The following HOMER2 variants were observed in gnomAD, a reference collection of about 807,000 sequenced individuals.
HOMER2 encodes the protein homer scaffold protein 2.
Under a neutral mutation model 47.0 loss-of-function variants are expected in HOMER2, and 27 were observed. The observed-to-expected ratio is 0.57, with a 90% confidence interval of 0.42 to 0.79. The LOEUF is 0.79. Ranked by LOEUF, HOMER2 falls within the 30% of genes least tolerant of loss-of-function variation. The pLI is 0.00. For synonymous variants in HOMER2, 161 were observed against 163.8 expected, an observed-to-expected ratio of 0.98 and a Z score of 0.13; for missense variants, 443 against 435.0, an observed-to-expected ratio of 1.02 and a Z score of -0.16.
intron 1 of HOMER2, among the ~76,000 whole-genome samples, chr15:82,984,819 GAAAC>G (rs796951788): frequency 1.5e-4 from 23 of 151,910 alleles, no homozygotes; most frequent in African/African-American, 4.1e-4. Context: ...CTGTGTCAAA[GAAAC>G]AAACAAACAA....
chr15:82,870,842 T>TGCAACCAC (rs1567024840), intron 3 of HOMER2, among the ~76,000 whole-genome samples: 1 of 151,986 alleles, frequency 6.6e-6, no homozygotes, highest in Non-Finnish European at 1.5e-5. Context: ...AGATCAACCA[T>TGCAACCAC]GGTGCACTGG....
At chr15:82,916,988 G>A (rs1375281065) in intron 1 of HOMER2, among the ~76,000 whole-genome samples, 1 of 152,196 alleles carries the variant, frequency 6.6e-6, no homozygotes, top group Non-Finnish European at 1.5e-5. Flanking sequence ...TTTTAGTAGA[G>A]ACGGGGTTTC....
At chr15:82,889,616 G>A (rs184616278) in intron 2 of HOMER2, among the ~76,000 whole-genome samples, 125 of 152,290 alleles carry the variant, frequency 8.2e-4, no homozygotes, top group South Asian at 1.9e-3. Context: ...AGGCAGGATC[G>A]AGATTGGGCT....
chr15:82,872,424 A>T (rs1286164783), intron 3 of HOMER2, among the ~76,000 whole-genome samples: 2 of 151,830 alleles, frequency 1.3e-5, no homozygotes, highest in Non-Finnish European at 2.9e-5. Flanking sequence ...AATTTCTCCA[A>T]CTCTTAACCC....
intron 1 of HOMER2, among the ~76,000 whole-genome samples, chr15:82,914,439 A>G (rs1442637217): frequency 6.6e-6 from 1 of 152,098 alleles, no homozygotes; most frequent in Non-Finnish European, 1.5e-5. Flanking sequence ...AACTTTGGAA[A>G]TATGCTAAGT....
intron 1 of HOMER2, among the ~76,000 whole-genome samples, chr15:82,921,213 G>A (rs778098245): frequency 3.9e-5 from 6 of 152,198 alleles, no homozygotes; most frequent in East Asian, 1.9e-4. Context: ...ACTTGAACCC[G>A]GGAGGCGGAG....
chr15:82,898,818 T>C (rs1445937364), intron 1 of HOMER2, among the ~76,000 whole-genome samples: 1 of 152,272 alleles, frequency 6.6e-6, no homozygotes, highest in African/African-American at 2.4e-5. Context: ...TCACTTGCAA[T>C]GTTTAGCTCC....
rs974329642 is a variant in HOMER2, at chr15:82,913,049, C to G, written c.6-20208G>C. On this transcript the variant is annotated intron_variant, in intron 1 of 8. Coordinates refer to ENST00000450735, the MANE Select transcript of HOMER2 (RefSeq NM_004839.4). This position sits in a 1 kb window ranked among gnomAD's most constrained non-coding sequence, Gnocchi z 4.1. Reference sequence around the variant, plus strand: ...CACAGAAAACTGGGGTGTAGAGAGACAAGAGGGAGTCAGGTAACTGTAAAG... The same window carrying G: ...CACAGAAAACTGGGGTGTAGAGAGAGAAGAGGGAGTCAGGTAACTGTAAAG... 1.3e-5 allele frequency among the ~76,000 whole-genome samples: 2 copies of G among 152,126 alleles called. No homozygotes were observed. Among genetic ancestry groups the G allele is most frequent in the Non-Finnish European group, 2.9e-5 (2 of 68,020 alleles).
chr15:82,974,358 C>T (rs562178761), intron 1 of HOMER2, among the ~76,000 whole-genome samples: 7 of 151,036 alleles, frequency 4.6e-5, no homozygotes, highest in Admixed American at 6.6e-5. Flanking sequence ...GAGCCGAGAT[C>T]GCGCCATTGC....
chr15:82,970,711 T>C (rs2029956591), intron 1 of HOMER2, among the ~76,000 whole-genome samples: 1 of 152,192 alleles, frequency 6.6e-6, no homozygotes, highest in Admixed American at 6.5e-5. Flanking sequence ...GTAAATCCTC[T>C]GAGATAAAAT....
chr15:82,918,660 C>T (rs1257202786), intron 1 of HOMER2, among the ~76,000 whole-genome samples: 2 of 152,154 alleles, frequency 1.3e-5, no homozygotes, highest in Non-Finnish European at 2.9e-5. Flanking sequence ...ACCTTACCTC[C>T]CTGCTGCTGT....
intron 1 of HOMER2, among the ~76,000 whole-genome samples, chr15:82,985,390 G>T (rs1018386131): frequency 2.0e-5 from 3 of 152,142 alleles, no homozygotes; most frequent in African/African-American, 7.2e-5. Context: ...ACATCAATGA[G>T]AAAGGTACTG....
At chr15:82,943,335 A>C (rs2054304304) in intron 1 of HOMER2, among the ~76,000 whole-genome samples, 1 of 152,214 alleles carries the variant, frequency 6.6e-6, no homozygotes, top group African/African-American at 2.4e-5. Context: ...CCCACAACCA[A>C]CGGTGCTCCA....
At chr15:82,977,053 G>A (rs965528108) in intron 1 of HOMER2, among the ~76,000 whole-genome samples, 1 of 151,598 alleles carries the variant, frequency 6.6e-6, no homozygotes, top group African/African-American at 2.4e-5. Context: ...AATGTTTGTG[G>A]GGTGAAAAAA....
upstream of HOMER2, among the ~76,000 whole-genome samples, chr15:82,955,872 G>T (rs964978964): frequency 2.6e-5 from 4 of 152,258 alleles, no homozygotes; most frequent in East Asian, 5.8e-4. Context: ...TATAAGCTAC[G>T]ATCTGTGTGA....
chr15:82,860,954 G>GAGAGAGAGAGAGAGAGAGAGA (rs2051758825), intron 4 of HOMER2, among the ~76,000 whole-genome samples: 1 of 18,964 alleles, frequency 5.3e-5, no homozygotes, highest in African/African-American at 2.4e-4. Flanking sequence ...GAAGATAGAA[G>GAGAGAGAGAGAGAGAGAGAGA]ATGAGAGAGA....
intron 1 of HOMER2, among the ~76,000 whole-genome samples, chr15:82,902,828 G>A (rs2053164358): frequency 6.6e-6 from 1 of 152,138 alleles, no homozygotes; most frequent in Non-Finnish European, 1.5e-5. Context: ...CAATAAAAAT[G>A]AAGTTAGATA....
chr15:82,868,537 ATATATT>A (rs1199621872), intron 3 of HOMER2, among the ~76,000 whole-genome samples: 4 of 60,860 alleles, frequency 6.6e-5, no homozygotes, highest in Non-Finnish European at 1.4e-4. Flanking sequence ...ATATATATAT[ATATATT>A]TTTTTTTTTT....
At chr15:82,870,742 A>C (rs1485800393) in intron 3 of HOMER2, among the ~76,000 whole-genome samples, 1 of 152,252 alleles carries the variant, frequency 6.6e-6, no homozygotes. Flanking sequence ...CTGAGTGAAT[A>C]AAGTGACTAC....
Sources: allele counts gnomAD v4.1 joint callset (sites outside exome capture counted in the v4.1 genomes callset), GRCh38; gene constraint gnomAD v4.1.1; non-coding constraint Gnocchi (gnomAD v3.1); transcripts MANE v1.5; gene names NCBI Gene and HGNC (gene_info 2026-07-23, HGNC 2026-07-21).